Variants in NRXN1 observed in about 807,000 individuals in gnomAD.
NRXN1 encodes the protein neurexin-1.
In NRXN1, 39 loss-of-function variants were observed where a neutral mutation model predicts 150.9. That is an observed-to-expected ratio of 0.26 (90% CI 0.20 to 0.34). The LOEUF (loss-of-function observed/expected upper bound fraction) is 0.34, where lower values mean the gene tolerates loss of function less well. Ranked by LOEUF, NRXN1 falls within the 10% of genes least tolerant of loss-of-function variation. The pLI, the probability that NRXN1 is intolerant of heterozygous loss-of-function variation, is 1.00. For missense variants in NRXN1, 1,815 were observed against 1,949.9 expected, an observed-to-expected ratio of 0.93 and a Z score of 1.30; for synonymous variants, 924 against 757.0, an observed-to-expected ratio of 1.22 and a Z score of -3.62.
chr2:50,667,064 T>C (rs965393685), intron 5 of NRXN1, among the ~76,000 whole-genome samples: 1 of 151,950 alleles, frequency 6.6e-6, no homozygotes, highest in Admixed American at 6.6e-5. Flanking sequence ...ATATACTTCT[T>C]CATTCTTCAA....
chr2:50,127,308 T>C (rs1453533124), intron 18 of NRXN1, among the ~76,000 whole-genome samples: 3 of 152,170 alleles, frequency 2.0e-5, no homozygotes, highest in East Asian at 1.9e-4. Context: ...CACTGCGCTA[T>C]TTTTTATAAA....
intron 17 of NRXN1, among the ~76,000 whole-genome samples, chr2:50,459,792 C>A (rs901493621): frequency 6.6e-6 from 1 of 151,976 alleles, no homozygotes; most frequent in African/African-American, 2.4e-5. Flanking sequence ...TCAGTTTGTT[C>A]ACACGGGCTT....
chr2:50,430,710 G>A (rs1184729847), intron 17 of NRXN1, among the ~76,000 whole-genome samples: 1 of 152,022 alleles, frequency 6.6e-6, no homozygotes, highest in Non-Finnish European at 1.5e-5. Context: ...TGTGTTTCTG[G>A]GTTTGTTTCA....
intron 5 of NRXN1, among the ~76,000 whole-genome samples, chr2:50,638,657 T>C (rs2104460028): frequency 6.6e-6 from 1 of 152,274 alleles, no homozygotes; most frequent in South Asian, 2.1e-4. Context: ...GCTTTTTTTG[T>C]TGTTGTTTTC....
chr2:50,834,185 G>GA (rs535840816), intron 5 of NRXN1, among the ~76,000 whole-genome samples: 21 of 151,924 alleles, frequency 1.4e-4, no homozygotes, highest in African/African-American at 2.7e-4. Flanking sequence ...AAAGACTAAA[G>GA]AAAAAAAATC....
At chr2:50,868,559 T>A (rs1677306222) in intron 5 of NRXN1, among the ~76,000 whole-genome samples, 1 of 151,336 alleles carries the variant, frequency 6.6e-6, no homozygotes, top group Admixed American at 6.6e-5. Context: ...TTGATACAAA[T>A]AAAAAAAATT....
intron 21 of NRXN1, among the ~76,000 whole-genome samples, chr2:50,026,771 C>G (rs12987268): frequency 6.6e-6 from 1 of 150,632 alleles, no homozygotes; most frequent in African/African-American, 2.4e-5. Flanking sequence ...GCATGAAAAA[C>G]AAGACAACTT....
intron 8 of NRXN1, among the ~76,000 whole-genome samples, chr2:50,562,927 T>TA (rs1393522320): frequency 2.0e-5 from 3 of 152,110 alleles, no homozygotes; most frequent in Non-Finnish European, 2.9e-5. Flanking sequence ...ACCAACCCAT[T>TA]AACATTAATT....
intron 22 of NRXN1, 145 bp downstream of exon 22, chr2:49,943,559 T>TA (rs1672371471): frequency 1.5e-6 from 1 of 661,494 alleles, no homozygotes; most frequent in Admixed American, 2.8e-5. Context: ...AAAATTTATG[T>TA]AAAAAATAAG....
intron 21 of NRXN1, among the ~76,000 whole-genome samples, chr2:49,947,503 C>CTTTTTTTTTTTT (rs376145888): frequency 3.8e-4 from 51 of 134,020 alleles, no homozygotes; most frequent in Non-Finnish European, 4.6e-4. Context: ...TTTTTTCTTT[C>CTTTTTTTTTTTT]TTTTTTTTTT....
At chr2:50,258,205 T>C (rs544194603) in intron 17 of NRXN1, among the ~76,000 whole-genome samples, 4 of 152,156 alleles carry the variant, frequency 2.6e-5, no homozygotes, top group African/African-American at 9.6e-5. Context: ...GTTTTCTCCA[T>C]AGCATACAAT....
At chr2:50,555,573 C>T (rs1199560476) in intron 8 of NRXN1, among the ~76,000 whole-genome samples, 1 of 152,166 alleles carries the variant, frequency 6.6e-6, no homozygotes, top group African/African-American at 2.4e-5. Context: ...AAGAACCTTG[C>T]TCACCACAGC....
chr2:50,307,214 C>A (rs549008200), intron 17 of NRXN1, among the ~76,000 whole-genome samples: 5 of 152,256 alleles, frequency 3.3e-5, no homozygotes, highest in Non-Finnish European at 7.3e-5. Flanking sequence ...GAACTCCTGA[C>A]CTCGTGATTC....
intron 2 of NRXN1, among the ~76,000 whole-genome samples, chr2:51,005,419 G>A (rs1032758430): frequency 6.6e-6 from 1 of 151,894 alleles, no homozygotes; most frequent in Non-Finnish European, 1.5e-5. Flanking sequence ...ATTTCTTTGT[G>A]CTGGGAACAT....
intron 17 of NRXN1, among the ~76,000 whole-genome samples, chr2:50,424,312 G>GGAGGAGGAGGAGGAGGAGGGA (rs2084296449): frequency 3.6e-5 from 4 of 110,770 alleles, no homozygotes; most frequent in African/African-American, 1.3e-4. Context: ...AGGAGGAGGG[G>GGAGGAGGAGGAGGAGGAGGGA]GAGGAGGAGG....
chr2:50,764,687 G>A (rs948836579), intron 5 of NRXN1, among the ~76,000 whole-genome samples: 1 of 151,872 alleles, frequency 6.6e-6, no homozygotes, highest in Non-Finnish European at 1.5e-5. Context: ...CACGTGCACA[G>A]ACAGAGAGAT....
intron 5 of NRXN1, among the ~76,000 whole-genome samples, chr2:50,738,652 G>T (rs968938715): frequency 6.6e-6 from 1 of 152,114 alleles, no homozygotes; most frequent in African/African-American, 2.4e-5. Context: ...TTGGCAATCC[G>T]ATAAAACCTT....
chr2:50,615,857 T>G (rs1678975378), intron 8 of NRXN1: 1 of 152,126 alleles, frequency 6.6e-6, no homozygotes, highest in African/African-American at 2.4e-5. Context: ...GTTAGAAAAT[T>G]TAATTAAATA....
At chr2:50,892,479 C>T (rs1445807565) in intron 5 of NRXN1, among the ~76,000 whole-genome samples, 3 of 152,064 alleles carry the variant, frequency 2.0e-5, no homozygotes, top group African/African-American at 7.2e-5. Flanking sequence ...AAATAATATA[C>T]ACTGGTGTAG....
Sources: gnomAD v4.1 joint callset for allele counts (sites outside exome capture counted in the v4.1 genomes callset) on GRCh38, gnomAD v4.1.1 for gene constraint, MANE v1.5 for transcripts, NCBI Gene and HGNC (gene_info 2026-07-23, HGNC 2026-07-21) for gene names.